The following ZCCHC14 variants were observed in gnomAD, a reference collection of about 807,000 sequenced individuals.
ZCCHC14 encodes the protein zinc finger CCHC domain-containing protein 14.
ZCCHC14 carries 16 observed loss-of-function variants against 85.0 expected under a neutral mutation model. The ratio of observed to expected loss-of-function variants is 0.19; its 90% CI spans 0.13 to 0.29. ZCCHC14 has a LOEUF of 0.29. ZCCHC14 is among the 10% of genes least tolerant of loss of function. The pLI is 1.00. For missense variants in ZCCHC14, 1,303 were observed against 1,443.5 expected (o/e 0.90, Z 1.58); for synonymous variants, 775 against 630.7 (o/e 1.23, Z -3.43).
At chr16:87,439,431 C>T (rs1910082993) in intron 2 of ZCCHC14, among the ~76,000 whole-genome samples, 1 of 152,224 alleles carries the variant, frequency 6.6e-6, no homozygotes, top group Non-Finnish European at 1.5e-5. Context: ...CTGTGCCTGG[C>T]CACAAGTTCT....
chr16:87,433,319 T>A (rs1451853939), intron 2 of ZCCHC14, 118 bp from the exon 3 acceptor site: 1 of 951,180 alleles, frequency 1.1e-6, no homozygotes, highest in Non-Finnish European at 1.6e-6. Flanking sequence ...AAGGCTGTCC[T>A]GTCACTTTGG....
intron 6 of ZCCHC14, 103 bp from the exon 7 acceptor site, chr16:87,419,004 T>G: frequency 1.2e-5 from 13 of 1,074,088 alleles, no homozygotes; most frequent in Non-Finnish European, 1.7e-5. Context: ...TTGCCCAGGC[T>G]GGAGAGCAAT....
chr16:87,411,703 C>G lies in ZCCHC14; in HGVS notation c.3018G>C (p.Thr1006=), dbSNP rs780330811. ...AGTTCTGCATGGGTGGCACGGCAAA[C>G]GTGGACTGCCCACTCAGGACAGGGT... ...TPDPVLSGQS[T]FAVPPMQNFM... is the part of the protein sequence containing the mutation. Residue 1006 remains threonine, a synonymous_variant, in exon 12 of 13, where the codon ACG becomes ACC. Transcript: ENST00000671377. The G allele has an allele frequency of 6.2e-6, 10 of 1,614,086 alleles. No individual in the cohort carries two copies. Among genetic ancestry groups the G allele is most frequent in the Non-Finnish European group, 8.5e-6 (10 of 1,180,026 alleles).
chr16:87,414,500 G>A lies in ZCCHC14; in HGVS notation c.1517C>T (p.Pro506Leu), dbSNP rs543134437. The A allele has an allele frequency of 6.8e-6, 11 of 1,613,100 alleles. No homozygotes were observed. Among genetic ancestry groups the A allele is most frequent in the South Asian group, 2.2e-5 (2 of 91,000 alleles). ...ERRCLNPSAP[P>L]LVTSSGVARV... ...AGCCACACCACTGCTGGTGACCAGC[G>A]GCGGGGCCGAGGGGTTCAGGCACCG... Residue 506 changes from proline (P) to leucine (L), a missense_variant, in exon 10 of 13, where the codon CCG (proline) becomes CTG (leucine). Transcript: ENST00000671377.
rs1567514962 is a variant in ZCCHC14 at position 87,423,890 on chromosome 16, CAA to C, written c.769-11_769-10del. ...GAATCAGACCACAAGACCTTAAAAA[CAA>C]ACAAACAAACAAACCTTAGAAACAG... On this transcript the variant is annotated splice_polypyrimidine_tract_variant and intron_variant, in intron 3 of 12. Coordinates refer to ENST00000671377, the MANE Select transcript of ZCCHC14 (RefSeq NM_015144.3). 1 of 1,609,504 alleles carries C rather than the reference CAA, an allele frequency of 6.2e-7. No homozygotes were observed. Among genetic ancestry groups the C allele is most frequent in the African/African-American group, 1.3e-5 (1 of 74,770 alleles).
At chr16:87,467,296 GC>G (rs1164502959) in intron 1 of ZCCHC14, 1 of 1,578,278 alleles carries the variant, frequency 6.3e-7, no homozygotes, top group Admixed American at 1.7e-5. Context: ...TTTTTATCAA[GC>G]CTCAATAATG....
In ZCCHC14 at chr16:87,485,472, T is replaced by C. The variant is rs141661558; in HGVS notation, c.570+6197A>G. Among the ~76,000 whole-genome samples the C allele has an allele frequency of 5.3e-5, 8 of 152,120 alleles. No individual in the cohort carries two copies. In the East Asian group the frequency reaches 1.5e-3, roughly 29 times the overall value. ...CTAAAACTAATTTCTAAACTGCGTA[T>C]GTTAAGACTAAAGTCCAAAACCAAA... is the stretch of plus-strand genomic sequence containing the variant. On this transcript the variant is annotated intron_variant, in intron 1 of 12. Transcript: ENST00000671377.
At chr16:87,458,939 A>G (rs1309450196) in intron 2 of ZCCHC14, among the ~76,000 whole-genome samples, 1 of 152,108 alleles carries the variant, frequency 6.6e-6, no homozygotes, top group Non-Finnish European at 1.5e-5. Flanking sequence ...TCTGCAAACC[A>G]CACAAGCATT....
intron 2 of ZCCHC14, among the ~76,000 whole-genome samples, chr16:87,457,097 G>A (rs1007480344): frequency 2.6e-5 from 4 of 152,282 alleles, no homozygotes; most frequent in Admixed American, 1.3e-4. Flanking sequence ...CCACACCCAC[G>A]AGGGGCAGGG....
At chr16:87,415,062 C>T (rs1908713039) in intron 9 of ZCCHC14, among the ~76,000 whole-genome samples, 1 of 151,976 alleles carries the variant, frequency 6.6e-6, no homozygotes, top group Non-Finnish European at 1.5e-5. Flanking sequence ...AGCCTGGGCA[C>T]GACAGAGCGA....
chr16:87,419,840 C>T lies in ZCCHC14; in HGVS notation c.988G>A (p.Asp330Asn). 2 of 1,612,780 alleles carry T rather than the reference C, an allele frequency of 1.2e-6. No individual in the cohort carries two copies. Among genetic ancestry groups the T allele is most frequent in the Non-Finnish European group, 1.7e-6 (2 of 1,179,462 alleles). Residue 330 changes from aspartate (D) to asparagine (N), a missense_variant, in exon 6 of 13, where the codon GAC becomes AAC. This residue lies in a region of ZCCHC14 where 389 missense variants were observed against 397.8 expected (regional missense o/e 0.98). Coordinates refer to ENST00000671377, the MANE Select transcript of ZCCHC14 (RefSeq NM_015144.3). ...ASLPSHVLKNDHVRRFLSTSS... is the reference protein window; with the variant it reads ...ASLPSHVLKNNHVRRFLSTSS... Reference sequence around the variant, plus strand: ...GTGCTGAGAAACCTCCTGACATGGTCATTTTTCAACACGTGAGAAGGTAAT... The same window carrying T: ...GTGCTGAGAAACCTCCTGACATGGTTATTTTTCAACACGTGAGAAGGTAAT...
At chr16:87,425,676 G>A (rs1909334375) in intron 3 of ZCCHC14, among the ~76,000 whole-genome samples, 1 of 152,096 alleles carries the variant, frequency 6.6e-6, no homozygotes, top group South Asian at 2.1e-4. Flanking sequence ...AAAATCTTGG[G>A]GAGAGGTTCC....
At chr16:87,478,579 C>T (rs1481065937) in intron 1 of ZCCHC14, among the ~76,000 whole-genome samples, 1 of 151,872 alleles carries the variant, frequency 6.6e-6, no homozygotes, top group African/African-American at 2.4e-5. Flanking sequence ...CCTCAATACT[C>T]TGTGCTTTCA....
At chr16:87,480,099 T>C (rs1912197898) in intron 1 of ZCCHC14, among the ~76,000 whole-genome samples, 1 of 151,736 alleles carries the variant, frequency 6.6e-6, no homozygotes. Flanking sequence ...TTGAAAAATA[T>C]AAAGTTAAAA....
rs113917767 is a variant in ZCCHC14, at chr16:87,414,092, T to C, written c.1603+322A>G. Among the ~76,000 whole-genome samples, 480 of 151,800 alleles carry C rather than the reference T, an allele frequency of 3.2e-3. 1 individual carries two copies. The highest frequency in any genetic ancestry group is 0.011 in the African/African-American group (455 of 41,284). On this transcript the variant is annotated intron_variant, in intron 10 of 12. Transcript: ENST00000671377. The stretch of plus-strand genomic sequence containing the variant: ...CAGAACACAAGGCCCTCTCTGTGTC[T>C]GCGTAACCGACCTGCCCGGCACACC...
intron 12 of ZCCHC14, 198 bp downstream of exon 12, chr16:87,411,315 AATC>A: frequency 6.9e-7 from 1 of 1,458,206 alleles, no homozygotes; most frequent in South Asian, 1.4e-5. Flanking sequence ...GGCTGTCTGA[AATC>A]ATCATGGCCG....
intron 1 of ZCCHC14, among the ~76,000 whole-genome samples, chr16:87,487,289 ATTTT>A (rs200699064): frequency 6.6e-6 from 1 of 151,930 alleles, no homozygotes; most frequent in Admixed American, 6.6e-5. Flanking sequence ...TAAAAACGTT[ATTTT>A]TTTTAGTACC....
At chr16:87,444,600 G>A (rs1296251487) in intron 2 of ZCCHC14, among the ~76,000 whole-genome samples, 3 of 152,152 alleles carry the variant, frequency 2.0e-5, no homozygotes, top group Non-Finnish European at 4.4e-5. Context: ...CACCCGACAG[G>A]ACACAGTGAG....
At chr16:87,423,987 C>T in intron 3 of ZCCHC14, 106 bp from the exon 4 acceptor site, 1 of 1,223,122 alleles carries the variant, frequency 8.2e-7, no homozygotes, top group Non-Finnish European at 1.2e-6. Context: ...GCAGCTGAGC[C>T]CAGTGGGCCG....
Sources: allele counts gnomAD v4.1 joint callset (sites outside exome capture counted in the v4.1 genomes callset), GRCh38; gene constraint gnomAD v4.1.1; regional missense constraint gnomAD v4.1.1; transcripts MANE v1.5; gene names NCBI Gene and HGNC (gene_info 2026-07-23, HGNC 2026-07-21).